SLC25A26: variants seen among roughly 807,000 people sequenced by gnomAD.
SLC25A26 encodes solute carrier family 25 member 26.
Under a neutral mutation model 37.8 loss-of-function variants are expected in SLC25A26, and 36 were observed. The observed-to-expected ratio is 0.95, with a 90% CI of 0.73 to 1.26. The LOEUF (loss-of-function observed/expected upper bound fraction) is 1.26, where lower values mean the gene tolerates loss of function less well. SLC25A26 is among the 50% of genes most tolerant of loss of function. SLC25A26 has a pLI of 0.00. For missense variants in SLC25A26, 390 were observed against 331.1 expected, an observed-to-expected ratio of 1.18 and a Z score of -1.38; for synonymous variants, 129 against 122.5, an observed-to-expected ratio of 1.05 and a Z score of -0.35.
intron 5 of SLC25A26, among the ~76,000 whole-genome samples, chr3:66,275,051 C>T (rs966344787): frequency 6.6e-6 from 1 of 152,020 alleles, no homozygotes; most frequent in Non-Finnish European, 1.5e-5. Flanking sequence ...CACATATACA[C>T]CATGGAATAC....
chr3:66,209,898 T>TATATATTTATATATATATATATATA (rs2071256377), intron 1 of SLC25A26, among the ~76,000 whole-genome samples: 1 of 38,608 alleles, frequency 2.6e-5, no homozygotes, highest in African/African-American at 8.8e-5. Flanking sequence ...CTCTCTCTAT[T>TATATATTTATATATATATATATATA]TATATATATA....
At chr3:66,227,896 T>G (rs2071830904) in intron 1 of SLC25A26, among the ~76,000 whole-genome samples, 1 of 151,772 alleles carries the variant, frequency 6.6e-6, no homozygotes, top group East Asian at 1.9e-4. Context: ...TTAAAAGAGG[T>G]TTTCTGTTTT....
chr3:66,281,466 G>T (rs920641652), intron 5 of SLC25A26, among the ~76,000 whole-genome samples: 9 of 152,108 alleles, frequency 5.9e-5, no homozygotes, highest in African/African-American at 2.2e-4. Context: ...TCCTAATACT[G>T]TCATTTTTCT....
At chr3:66,330,601 A>G (rs2107677817) in intron 5 of SLC25A26, among the ~76,000 whole-genome samples, 1 of 149,362 alleles carries the variant, frequency 6.7e-6, no homozygotes, top group African/African-American at 2.5e-5. Flanking sequence ...CAATGATAAT[A>G]TCTATATAAG....
intron 1 of SLC25A26, among the ~76,000 whole-genome samples, chr3:66,144,070 T>C (rs1206989139): frequency 6.6e-6 from 1 of 152,062 alleles, no homozygotes; most frequent in Non-Finnish European, 1.5e-5. Flanking sequence ...GGTAATATGA[T>C]AGAGAACAAA....
chr3:66,292,238 C>T (rs759508850), intron 5 of SLC25A26, among the ~76,000 whole-genome samples: 12 of 152,146 alleles, frequency 7.9e-5, no homozygotes, highest in Non-Finnish European at 1.6e-4. Flanking sequence ...ACTGATGGGT[C>T]TTCACTCTTT....
intron 5 of SLC25A26, among the ~76,000 whole-genome samples, chr3:66,339,997 T>A (rs150693384): frequency 3.5e-4 from 53 of 152,100 alleles, no homozygotes; most frequent in African/African-American, 1.3e-3. Flanking sequence ...TTAGGTCTTA[T>A]GTTTAGTTCT....
At chr3:66,235,814 G>T (rs1210304773) in intron 1 of SLC25A26, among the ~76,000 whole-genome samples, 1 of 152,210 alleles carries the variant, frequency 6.6e-6, no homozygotes, top group Non-Finnish European at 1.5e-5. Context: ...GATACAGCAA[G>T]AAACCAATAA....
At chr3:66,171,984 C>T (rs1009765199) in intron 1 of SLC25A26, among the ~76,000 whole-genome samples, 3 of 152,198 alleles carry the variant, frequency 2.0e-5, no homozygotes, top group Admixed American at 1.3e-4. Context: ...CCAGCTCCCT[C>T]AACCTTTCCT....
At chr3:66,298,529 A>G (rs1027680927) in intron 5 of SLC25A26, among the ~76,000 whole-genome samples, 1 of 152,240 alleles carries the variant, frequency 6.6e-6, no homozygotes, top group Non-Finnish European at 1.5e-5. Flanking sequence ...AGTTTTCAGA[A>G]TAAAAGAATT....
At position 66,159,166 on chromosome 3, in the gene SLC25A26, A is replaced by G. The variant is rs566429501; in HGVS notation, c.-354+25182A>G. Among the ~76,000 whole-genome samples, 14 of 152,296 alleles carry G rather than the reference A, an allele frequency of 9.2e-5. No homozygotes were observed. In the East Asian group the frequency reaches 2.7e-3, roughly 29 times the overall value. ...TAGGAGCTGGGTCAGCAGGCGAGGG[A>G]TGTGAACCTCTGACCCACAGGCCGG... On this transcript the variant is annotated intron_variant, in intron 1 of 10. Coordinates refer to the SLC25A26 transcript ENST00000676754.
Position 66,349,678 on chromosome 3 carries a change from G to T in SLC25A26, c.498+3270G>T, listed in dbSNP as rs911571060. Among the ~76,000 whole-genome samples the T allele has an allele frequency of 1.6e-4, 24 of 152,114 alleles. No individual in the cohort carries two copies. In the South Asian group the frequency reaches 2.1e-3, roughly 13 times the overall value. ...TCGTAAGTATTTGCATATAGTATTG[G>T]TATGGATGTAGGTTTTTACTTCTCT... On this transcript the variant is annotated intron_variant, in intron 6 of 9. Coordinates refer to ENST00000354883, the MANE Select transcript of SLC25A26 (RefSeq NM_001379210.1).
intron 3 of SLC25A26, among the ~76,000 whole-genome samples, chr3:66,248,714 C>A (rs1275359185): frequency 6.6e-6 from 1 of 152,090 alleles, no homozygotes; most frequent in Non-Finnish European, 1.5e-5. Context: ...CTTTATGGTC[C>A]TGTTCTGACT....
chr3:66,138,998 T>C (rs1033324997), intron 1 of SLC25A26, among the ~76,000 whole-genome samples: 3 of 152,102 alleles, frequency 2.0e-5, no homozygotes, highest in African/African-American at 7.2e-5. Flanking sequence ...ACTTATTCAG[T>C]TGAAACGAAT....
chr3:66,246,524 G>T (rs372331830), intron 3 of SLC25A26, among the ~76,000 whole-genome samples: 1 of 152,234 alleles, frequency 6.6e-6, no homozygotes, highest in South Asian at 2.1e-4. Flanking sequence ...CTTGGAAAAG[G>T]CTCTAAGTTT....
intron 1 of SLC25A26, among the ~76,000 whole-genome samples, chr3:66,195,675 G>A (rs1260226694): frequency 1.3e-5 from 2 of 152,192 alleles, no homozygotes; most frequent in African/African-American, 4.8e-5. Flanking sequence ...TATTTTAGGG[G>A]TGTATTACAG....
chr3:66,307,943 C>T (rs2075273363), intron 5 of SLC25A26, among the ~76,000 whole-genome samples: 1 of 152,146 alleles, frequency 6.6e-6, no homozygotes, highest in Non-Finnish European at 1.5e-5. Context: ...ATGATGCCTC[C>T]AGCTTTGTTC....
intron 1 of SLC25A26, among the ~76,000 whole-genome samples, chr3:66,212,642 T>C (rs1376814991): frequency 6.6e-6 from 1 of 152,126 alleles, no homozygotes; most frequent in East Asian, 1.9e-4. Flanking sequence ...GAATTCTCCA[T>C]TTCCCCCTCC....
intron 3 of SLC25A26, among the ~76,000 whole-genome samples, chr3:66,260,089 C>T (rs1419696145): frequency 1.3e-5 from 2 of 152,178 alleles, no homozygotes; most frequent in African/African-American, 2.4e-5. Context: ...CATTCCGGCT[C>T]ATCCAGAAGG....
Sources: allele counts gnomAD v4.1 joint callset (sites outside exome capture counted in the v4.1 genomes callset), GRCh38; gene constraint gnomAD v4.1.1; transcripts MANE v1.5; gene names NCBI Gene and HGNC (gene_info 2026-07-23, HGNC 2026-07-21).